DENND4C: variants seen among roughly 807,000 people sequenced by gnomAD.
DENND4C encodes DENN domain containing 4C, also known as DENN domain-containing protein 4C.
A neutral mutation model predicts 203.0 loss-of-function variants in DENND4C; 108 were observed. The observed-to-expected ratio is 0.53, with a 90% CI of 0.46 to 0.62. DENND4C has a LOEUF of 0.62. Among genes scored for constraint, DENND4C ranks in the 20% least tolerant of loss-of-function variants. The probability of loss-of-function intolerance (pLI) is 0.00; values close to 1 mark genes in which losing one functional copy is unlikely to be tolerated. For missense variants in DENND4C, 2,481 were observed against 2,301.2 expected, an observed-to-expected ratio of 1.08 and a Z score of -1.60; for synonymous variants, 871 against 792.4, an observed-to-expected ratio of 1.10 and a Z score of -1.67.
intron 20 of DENND4C, 83 bp from the exon 21 acceptor site, chr9:19,340,909 C>G: frequency 8.0e-7 from 1 of 1,249,194 alleles, no homozygotes; most frequent in Non-Finnish European, 1.1e-6. Context: ...TTGTGTAGAT[C>G]AGTGGAATTT....
chr9:19,256,933 G>T (rs1828119139), intron 1 of DENND4C, among the ~76,000 whole-genome samples: 1 of 151,912 alleles, frequency 6.6e-6, no homozygotes, highest in South Asian at 2.1e-4. Context: ...AGCCGGGCGT[G>T]GTGGCAGGCG....
intron 2 of DENND4C, among the ~76,000 whole-genome samples, chr9:19,281,653 C>G (rs947422418): frequency 2.0e-5 from 3 of 152,088 alleles, no homozygotes; most frequent in African/African-American, 7.2e-5. Flanking sequence ...ACCGTATATA[C>G]TATAAAGTAC....
Position 19,276,019 on chromosome 9 carries a change from G to C in DENND4C, c.-17-139G>C, listed in dbSNP as rs1051633086. 28 of 428,276 alleles carry C rather than the reference G, an allele frequency of 6.5e-5. 2 individuals are homozygous for C. Among genetic ancestry groups the C allele is most frequent in the Admixed American group, 3.1e-4 (7 of 22,730 alleles). The allele number at this position is 428,276 out of a possible 1,614,324, so 26.5% of individuals were successfully genotyped here. A position where few individuals can be genotyped will look rare whatever the true frequency, so the allele number is the denominator to read the frequency against. On this transcript the variant is annotated intron_variant, in intron 1 of 32. Coordinates refer to ENST00000434457, the MANE Select transcript of DENND4C (RefSeq NM_001330640.2). ...CCAACTGACAAGATGATAAAAGCAG[G>C]CTTCTTCTCAGAATGGCAATTTGAT... is the stretch of plus-strand genomic sequence containing the variant.
chr9:19,312,981 G>A (rs1265493194), intron 10 of DENND4C, among the ~76,000 whole-genome samples: 3 of 152,112 alleles, frequency 2.0e-5, no homozygotes, highest in African/African-American at 7.2e-5. Flanking sequence ...TTATTGAAGA[G>A]TCCATTAATT....
At chr9:19,367,307 G>A (rs1827881316) in intron 30 of DENND4C, among the ~76,000 whole-genome samples, 1 of 152,220 alleles carries the variant, frequency 6.6e-6, no homozygotes, top group Admixed American at 6.5e-5. Context: ...CAAACCATAT[G>A]AGTTACCATA....
At chr9:19,255,462 C>T (rs950474221) in intron 1 of DENND4C, among the ~76,000 whole-genome samples, 11 of 151,814 alleles carry the variant, frequency 7.2e-5, no homozygotes, top group African/African-American at 2.7e-4. Flanking sequence ...ATCTACACAT[C>T]ACTAATGTTT....
chr9:19,242,579 G>GT (rs1038971396), intron 1 of DENND4C, among the ~76,000 whole-genome samples: 2 of 151,798 alleles, frequency 1.3e-5, no homozygotes, highest in African/African-American at 4.8e-5. Flanking sequence ...ATTTTCATTC[G>GT]TATTTGGTAT....
chr9:19,287,370 CATTT>C (rs765361294), intron 3 of DENND4C, among the ~76,000 whole-genome samples: 44 of 152,086 alleles, frequency 2.9e-4, no homozygotes, highest in African/African-American at 8.4e-4. Context: ...TTCATTCATT[CATTT>C]GTTTGCTTTT....
At chr9:19,357,185 A>C in intron 27 of DENND4C, 31 bp downstream of exon 27, 1 of 1,609,090 alleles carries the variant, frequency 6.2e-7, no homozygotes, top group Non-Finnish European at 8.5e-7. Context: ...CTCTTTATGT[A>C]GTAATAAATG....
rs183968598 is a variant in DENND4C, at chr9:19,270,623, C to G, written c.-17-5535C>G. 3.3e-5 allele frequency among the ~76,000 whole-genome samples: 5 copies of G among 152,204 alleles called. No homozygotes were observed. In the East Asian group the frequency reaches 9.6e-4, roughly 29 times the overall value. On this transcript the variant is annotated intron_variant, in intron 1 of 32. Coordinates refer to ENST00000434457, the MANE Select transcript of DENND4C (RefSeq NM_001330640.2). ...TTGATGGTTACTTGGGTTGTTTTCA[C>G]CTTTTGGCTATTGTGAATAGTGCTT...
At chr9:19,336,617 G>A (rs1193949812) in intron 19 of DENND4C, 69 bp from the exon 20 acceptor site, 2 of 1,475,848 alleles carry the variant, frequency 1.4e-6, no homozygotes, top group African/African-American at 2.8e-5. Flanking sequence ...TGAACTGTGG[G>A]TCAATCATGT....
chr9:19,313,120 T>C (rs989550522), intron 10 of DENND4C, among the ~76,000 whole-genome samples: 1 of 152,234 alleles, frequency 6.6e-6, no homozygotes. Flanking sequence ...CTAAATGTTA[T>C]ATTATGTGTG....
chr9:19,335,549 T>C (rs1677755714), intron 18 of DENND4C, among the ~76,000 whole-genome samples: 1 of 152,088 alleles, frequency 6.6e-6, no homozygotes. Flanking sequence ...ATACTTCTAG[T>C]CTCTGCTTTT....
In DENND4C at chr9:19,274,373, G is replaced by A. The variant is rs182481914; in HGVS notation, c.-17-1785G>A. Among the ~76,000 whole-genome samples the A allele has an allele frequency of 6.1e-4, 92 of 151,836 alleles. 3 individuals carry two copies. The highest frequency in any genetic ancestry group is 3.4e-3 in the Middle Eastern group (1 of 294). Reference sequence around the variant, plus strand: ...TGCAATGGTGCGATCTCGGCTCACCGCAACCTCCGCCTACCGGGTTCAAGC... The same window carrying A: ...TGCAATGGTGCGATCTCGGCTCACCACAACCTCCGCCTACCGGGTTCAAGC... On this transcript the variant is annotated intron_variant, in intron 1 of 32. Transcript: ENST00000434457.
chr9:19,352,019 C>CA (rs1268831681), intron 24 of DENND4C, 54 bp from the exon 25 acceptor site: 5 of 1,502,364 alleles, frequency 3.3e-6, no homozygotes, highest in South Asian at 1.1e-5. Flanking sequence ...CATGCATTTT[C>CA]AAAAAACAAG....
chr9:19,246,808 A>G (rs959545047), intron 1 of DENND4C, among the ~76,000 whole-genome samples: 10 of 152,180 alleles, frequency 6.6e-5, no homozygotes, highest in African/African-American at 9.7e-5. Flanking sequence ...TTTTCTTAGC[A>G]TATGAACATG....
Position 19,358,937 on chromosome 9 carries a change from CATT to C in DENND4C, c.5160+779_5160+781del, listed in dbSNP as rs1233531902. ...TGTTCCTCCCAGCAGGAGACATAAA[CATT>C]AGTAGCTATTAATGCCTTAATGCCT... On this transcript the variant is annotated intron_variant, in intron 28 of 32. Transcript: ENST00000434457. The surrounding 1 kb of genome is among the most constrained non-coding windows in gnomAD (Gnocchi z 4.8). Among the ~76,000 whole-genome samples, 1 of 151,740 alleles carries C rather than the reference CATT, an allele frequency of 6.6e-6. No individual in the cohort carries two copies. The highest frequency in any genetic ancestry group is 1.9e-4 in the East Asian group (1 of 5,194).
intron 27 of DENND4C, chr9:19,357,410 T>G (rs1487302618): frequency 7.7e-6 from 3 of 388,288 alleles, no homozygotes. Flanking sequence ...CCTTTTAATA[T>G]AGTCATTGCC....
chr9:19,311,054 C>G (rs191476791), intron 10 of DENND4C, among the ~76,000 whole-genome samples: 10 of 152,172 alleles, frequency 6.6e-5, no homozygotes, highest in Non-Finnish European at 4.4e-5. Context: ...TTTAAATATT[C>G]TTTATTTTTA....
Sources: allele counts gnomAD v4.1 joint callset (sites outside exome capture counted in the v4.1 genomes callset), GRCh38; gene constraint gnomAD v4.1.1; non-coding constraint Gnocchi (gnomAD v3.1); transcripts MANE v1.5; gene names NCBI Gene and HGNC (gene_info 2026-07-23, HGNC 2026-07-21).